The following NTMT2 variants were observed in gnomAD, a reference collection of about 807,000 sequenced individuals.
The protein encoded by NTMT2 is X-Pro-Lys N-terminal protein methyltransferase 1B.
A neutral mutation model predicts 23.4 loss-of-function variants in NTMT2; 21 were observed. The ratio of observed to expected loss-of-function variants is 0.90; its 90% CI spans 0.64 to 1.29. NTMT2 has a LOEUF of 1.29. Among genes scored for constraint, NTMT2 ranks in the 50% most tolerant of loss-of-function variants. NTMT2 has a pLI of 0.00. For synonymous variants in NTMT2, 131 were observed against 127.7 expected (o/e 1.03, Z -0.17); for missense variants, 336 against 352.0 (o/e 0.95, Z 0.36).
chr1:170,146,134 CT>C lies in NTMT2; in HGVS notation c.30del (p.Phe10LeufsTer43), dbSNP rs1279939436. Reference sequence around the variant, plus strand: ...TGGCCCACCGGGGAGCCCATTTTGCCTTTAGATCCCGCTGGCAGAAGACCGA... The same window carrying C: ...TGGCCCACCGGGGAGCCCATTTTGCCTTAGATCCCGCTGGCAGAAGACCGA... MAHRGAHFA[F>X]RSRWQKTDDE... On this transcript the variant is annotated frameshift_variant, in exon 1 of 4. Transcript: ENST00000439373. LOFTEE classifies it high-confidence loss of function. The C allele has an allele frequency of 4.5e-6, 7 of 1,551,476 alleles. No individual in the cohort carries two copies. The highest frequency in any genetic ancestry group is 5.2e-6 in the Non-Finnish European group (6 of 1,146,884).
chr1:170,163,002 T>G (rs1489520073), intron 2 of NTMT2, among the ~76,000 whole-genome samples: 1 of 152,112 alleles, frequency 6.6e-6, no homozygotes, highest in Non-Finnish European at 1.5e-5. Context: ...TTCAGAAGCT[T>G]AGTTAGTAAT....
chr1:170,166,398 C>T (rs1475937462), intron 2 of NTMT2, 104 bp from the exon 3 acceptor site: 18 of 1,295,280 alleles, frequency 1.4e-5, no homozygotes, highest in Non-Finnish European at 1.8e-5. Flanking sequence ...GCCTCGGCCT[C>T]CCAAAGTGCT....
At chr1:170,161,374 T>C (rs1163854479) in intron 2 of NTMT2, among the ~76,000 whole-genome samples, 1 of 152,200 alleles carries the variant, frequency 6.6e-6, no homozygotes, top group Non-Finnish European at 1.5e-5. Flanking sequence ...ATTTTTATAC[T>C]ATTTTATACA....
At position 170,146,232 on chromosome 1, in the gene NTMT2, A is replaced by T. The variant is rs1672962332; in HGVS notation, c.125A>T (p.Tyr42Phe). 6.4e-7 allele frequency: 1 copy of T among 1,550,552 alleles called. No homozygotes were observed. The highest frequency in any genetic ancestry group is 8.7e-7 in the Non-Finnish European group (1 of 1,146,802). Residue 42 changes from tyrosine (Y) to phenylalanine (F), a missense_variant, in exon 1 of 4, where the codon TAT becomes TTT. Transcript: ENST00000439373. ...ATTCGCAATGACTTCTTTCAGAGCT[A>T]TCTCTACCTGCTGGAAAAAATTCCC... ...KAIRNDFFQS[Y>F]LYLLEKIPLV... is the part of the protein sequence containing the mutation.
In NTMT2 at chr1:170,152,708, TC is replaced by T. The variant is rs35829674; in HGVS notation, c.154+6456del. On this transcript the variant is annotated intron_variant, in intron 1 of 3. Coordinates refer to ENST00000439373, the MANE Select transcript of NTMT2 (RefSeq NM_001136107.2). Reference sequence around the variant, plus strand: ...GGATTTCACCAGAAACACTGATAAATCCCCCCCCCACCACCATTGTTGATGA... The same window carrying T: ...GGATTTCACCAGAAACACTGATAAATCCCCCCCCACCACCATTGTTGATGA... Among the ~76,000 whole-genome samples, 11 of 148,540 alleles carry T rather than the reference TC, an allele frequency of 7.4e-5. No individual in the cohort carries two copies. In the East Asian group the frequency reaches 1.2e-3, roughly 16 times the overall value.
At chr1:170,146,785 A>G (rs1485286625) in intron 1 of NTMT2, among the ~76,000 whole-genome samples, 1 of 152,140 alleles carries the variant, frequency 6.6e-6, no homozygotes, top group African/African-American at 2.4e-5. Flanking sequence ...TAAAAAAAGG[A>G]GATTTTAGCT....
intron 1 of NTMT2, 99 bp from the exon 2 acceptor site, chr1:170,160,419 G>A: frequency 1.8e-6 from 2 of 1,135,304 alleles, no homozygotes; most frequent in Non-Finnish European, 2.4e-6. Flanking sequence ...TTTTGCCACA[G>A]CACAGATTCA....
chr1:170,166,042 C>T (rs927855403), intron 2 of NTMT2, among the ~76,000 whole-genome samples: 4 of 150,462 alleles, frequency 2.7e-5, no homozygotes, highest in Non-Finnish European at 5.9e-5. Context: ...TCAAATTGTA[C>T]ACAAGAAATG....
intron 1 of NTMT2, among the ~76,000 whole-genome samples, chr1:170,146,552 A>T (rs1672968589): frequency 6.6e-6 from 1 of 152,168 alleles, no homozygotes; most frequent in Non-Finnish European, 1.5e-5. Flanking sequence ...GTAGAAACTC[A>T]GACATGTTTA....
At chr1:170,152,367 T>C (rs1156612729) in intron 1 of NTMT2, among the ~76,000 whole-genome samples, 1 of 152,102 alleles carries the variant, frequency 6.6e-6, no homozygotes, top group East Asian at 1.9e-4. Flanking sequence ...GATTTGATAG[T>C]AGGTCAGATA....
intron 2 of NTMT2, among the ~76,000 whole-genome samples, chr1:170,166,139 T>TTC (rs59952169): frequency 9.8e-6 from 1 of 101,700 alleles, no homozygotes; most frequent in African/African-American, 3.6e-5. Flanking sequence ...TTTTTTTTTT[T>TTC]CTTTTTTTTT....
intron 1 of NTMT2, among the ~76,000 whole-genome samples, chr1:170,151,964 G>A (rs1673078313): frequency 6.6e-6 from 1 of 152,036 alleles, no homozygotes; most frequent in South Asian, 2.1e-4. Context: ...TGCCTAATTG[G>A]GAGGACAGGT....
chr1:170,157,382 A>G (rs183982502), intron 1 of NTMT2, among the ~76,000 whole-genome samples: 8 of 152,300 alleles, frequency 5.3e-5, no homozygotes, highest in Non-Finnish European at 1.0e-4. Flanking sequence ...TATGGAGGAT[A>G]TAAATAATAT....
chr1:170,166,649 C>T lies in NTMT2; in HGVS notation c.478C>T (p.Gln160Ter). 1 of 1,552,146 alleles carries T rather than the reference C, an allele frequency of 6.4e-7. No homozygotes were observed. Among genetic ancestry groups the T allele is most frequent in the South Asian group, 1.2e-5 (1 of 84,048 alleles). The stretch of plus-strand genomic sequence containing the variant: ...TCTCCTTGAAGCCCAGAACTACCTG[C>T]AGGTCAAAGGTGACAAAGTAGAAAG... ...SFLLEAQNYLQVKGDKVESYH... is the reference protein window; with the variant it reads ...SFLLEAQNYL Residue 160 changes from glutamine (Q) to a stop codon, truncating the protein, a stop_gained, in exon 3 of 4, where the codon CAG becomes TAG. Transcript: ENST00000439373. LOFTEE classifies it high-confidence loss of function.
At chr1:170,166,842 T>C in intron 3 of NTMT2, 91 bp downstream of exon 3, 1 of 1,377,608 alleles carries the variant, frequency 7.3e-7, no homozygotes, top group Non-Finnish European at 9.9e-7. Context: ...AGGGAAGAGT[T>C]AGCTGTAGTA....
intron 1 of NTMT2, among the ~76,000 whole-genome samples, chr1:170,148,393 C>G (rs888407434): frequency 1.3e-5 from 2 of 151,770 alleles, no homozygotes; most frequent in East Asian, 3.9e-4. Context: ...CCTCGTGATC[C>G]GCCCGTCCAG....
Position 170,146,213 on chromosome 1 carries a change from A to G in NTMT2, c.106A>G (p.Asn36Asp). The G allele has an allele frequency of 6.4e-7, 1 of 1,551,044 alleles. No homozygotes were observed. The highest frequency in any genetic ancestry group is 1.7e-4 in the Middle Eastern group (1 of 5,988). ...MSFILHKAIRNDFFQSYLYLL... is the reference protein window; with the variant it reads ...MSFILHKAIRDDFFQSYLYLL... ...TTTTATCCTTCACAAAGCCATTCGCAATGACTTCTTTCAGAGCTATCTCTA... is the reference window on the plus strand; with the variant it reads ...TTTTATCCTTCACAAAGCCATTCGCGATGACTTCTTTCAGAGCTATCTCTA... Residue 36 changes from asparagine to aspartate, a missense_variant, in exon 1 of 4, where the codon AAT (asparagine) becomes GAT (aspartate). Transcript: ENST00000439373.
chr1:170,160,564 G>C lies in NTMT2; in HGVS notation c.201G>C (p.Gln67His). Reference sequence around the variant, plus strand: ...GCCAAGTCATCAATGGTGAGATGCAGTTCTATGCCAGAGCTAAACTTTTCT... The same window carrying C: ...GCCAAGTCATCAATGGTGAGATGCACTTCTATGCCAGAGCTAAACTTTTCT... ...LTSQVINGEM[Q>H]FYARAKLFYQ... is the part of the protein sequence containing the mutation. Residue 67 changes from glutamine (Q) to histidine (H), a missense_variant, in exon 2 of 4, where the codon CAG becomes CAC. Transcript: ENST00000439373. The C allele has an allele frequency of 6.4e-7, 1 of 1,550,960 alleles. No homozygotes were observed. The highest frequency in any genetic ancestry group is 8.7e-7 in the Non-Finnish European group (1 of 1,146,780).
chr1:170,157,166 C>T (rs1673179865), intron 1 of NTMT2, among the ~76,000 whole-genome samples: 1 of 152,006 alleles, frequency 6.6e-6, no homozygotes, highest in Admixed American at 6.6e-5. Flanking sequence ...CTGCGTATAC[C>T]CTTTACCAAG....
Sources: allele counts gnomAD v4.1 joint callset (sites outside exome capture counted in the v4.1 genomes callset), GRCh38; gene constraint gnomAD v4.1.1; transcripts MANE v1.5; gene names NCBI Gene and HGNC (gene_info 2026-07-23, HGNC 2026-07-21).